TUT4: variants seen among roughly 807,000 people sequenced by gnomAD.
TUT4 encodes terminal uridylyl transferase 4, also known as terminal uridylyltransferase 4.
A neutral mutation model predicts 192.2 loss-of-function variants in TUT4; 36 were observed. The observed-to-expected ratio is 0.19, with a 90% CI of 0.14 to 0.25. The LOEUF (loss-of-function observed/expected upper bound fraction) is 0.25. Among genes scored for constraint, TUT4 ranks in the 10% least tolerant of loss-of-function variants. TUT4 has a pLI of 1.00. For synonymous variants in TUT4, 618 were observed against 666.0 expected (o/e 0.93, Z 1.11); for missense variants, 1,493 against 1,957.2 (o/e 0.76, Z 4.47).
rs140074425 is a variant in TUT4, at chr1:52,436,852, C to T, written c.4065G>A (p.Pro1355=). The part of the protein sequence containing the change: ...DLHDTRDFRD[P]RDLRCFICGD... ...CACATATAAAACATCTGAGGTCTCTCGGGTCTCTAAAGTCTCGAGTATCGT... is the reference window on the plus strand; with the variant it reads ...CACATATAAAACATCTGAGGTCTCTTGGGTCTCTAAAGTCTCGAGTATCGT... The change falls in exon 26 of 30, where the codon CCG becomes CCA. Residue 1355 remains proline (P), a synonymous_variant. Coordinates refer to ENST00000257177, the MANE Select transcript of TUT4 (RefSeq NM_001009881.3). 129 of 1,613,784 alleles carry T rather than the reference C, an allele frequency of 8.0e-5. No individual in the cohort carries two copies. Among genetic ancestry groups the T allele is most frequent in the Non-Finnish European group, 1.0e-4 (122 of 1,179,972 alleles).
At chr1:52,451,570 G>A (rs191591309) in intron 20 of TUT4, among the ~76,000 whole-genome samples, 35 of 152,226 alleles carry the variant, frequency 2.3e-4, no homozygotes, top group South Asian at 1.2e-3. Context: ...AGCCAGGGGC[G>A]GTGGCTCACG....
At position 52,488,919 on chromosome 1, in the gene TUT4, T is replaced by C. The variant is rs760005586; in HGVS notation, c.1505A>G (p.Tyr502Cys). 45 of 1,611,576 alleles carry C rather than the reference T, an allele frequency of 2.8e-5. No homozygotes were observed. Among genetic ancestry groups the C allele is most frequent in the Admixed American group, 6.7e-5 (4 of 59,464 alleles). ...CTCTCTTTCACTTACCTTAGCCCAG[T>C]AGCGAAAGGCTAACACCAAGGGAAT... ...VFIPLVLAFR[Y>C]WAKLCYIDSQ... Residue 502 changes from tyrosine to cysteine, a missense_variant, in exon 9 of 30, where the codon TAC becomes TGC. Tyr to Cys is a radical substitution (Grantham distance 194). Coordinates refer to ENST00000257177, the MANE Select transcript of TUT4 (RefSeq NM_001009881.3).
intron 1 of TUT4, among the ~76,000 whole-genome samples, chr1:52,544,103 T>C (rs1311152535): frequency 6.6e-6 from 1 of 151,476 alleles, no homozygotes; most frequent in African/African-American, 2.4e-5. Context: ...CTGGCGAACA[T>C]GGTGAAACCC....
intron 3 of TUT4, among the ~76,000 whole-genome samples, chr1:52,512,024 A>C (rs1353400270): frequency 2.6e-5 from 4 of 152,210 alleles, no homozygotes; most frequent in Non-Finnish European, 5.9e-5. Context: ...GAATACCTAA[A>C]GCCCTGTGTA....
chr1:52,526,440 C>T (rs1400002286), intron 1 of TUT4, 67 bp from the exon 2 acceptor site: 1 of 467,592 alleles, frequency 2.1e-6, no homozygotes, highest in Non-Finnish European at 3.1e-6. Flanking sequence ...TATGGTTAGA[C>T]ATTAAAAAAC....
At position 52,445,887 on chromosome 1, in the gene TUT4, AAAC is replaced by A. The variant is rs763467366; in HGVS notation, c.3740-21_3740-19del. ...ATTGGTCACTATTAAAGAAAGAAGA[AAAC>A]AATAAAGATGCAGACATTAATGTGT... is the stretch of plus-strand genomic sequence containing the variant. On this transcript the variant is annotated intron_variant, in intron 23 of 29. Coordinates refer to ENST00000257177, the MANE Select transcript of TUT4 (RefSeq NM_001009881.3). The A allele has an allele frequency of 1.2e-6, 2 of 1,605,356 alleles. No homozygotes were observed. Among genetic ancestry groups the A allele is most frequent in the Non-Finnish European group, 1.7e-6 (2 of 1,175,754 alleles).
intron 1 of TUT4, among the ~76,000 whole-genome samples, chr1:52,539,911 AAAAAAAAAC>A (rs1265940620): frequency 6.6e-6 from 1 of 151,104 alleles, no homozygotes; most frequent in Non-Finnish European, 1.5e-5. Context: ...CGTCTTAAAA[AAAAAAAAAC>A]AAAAAAAACA....
At chr1:52,480,881 T>C (rs1668331630) in intron 11 of TUT4, among the ~76,000 whole-genome samples, 1 of 152,164 alleles carries the variant, frequency 6.6e-6, no homozygotes, top group Non-Finnish European at 1.5e-5. Context: ...AATAATTCAA[T>C]ATAGCTAGAG....
At chr1:52,511,371 CTCA>C (rs1677110580) in intron 3 of TUT4, among the ~76,000 whole-genome samples, 1 of 152,266 alleles carries the variant, frequency 6.6e-6, no homozygotes, top group East Asian at 1.9e-4. Context: ...TACTTCTTTA[CTCA>C]TCAAATATAT....
intron 24 of TUT4, among the ~76,000 whole-genome samples, chr1:52,441,938 G>A (rs1021315585): frequency 6.6e-6 from 1 of 152,000 alleles, no homozygotes; most frequent in Admixed American, 6.6e-5. Flanking sequence ...GGAGGCCGAG[G>A]CGGGCAATCA....
At chr1:52,528,135 C>CG (rs1306131884) in intron 1 of TUT4, among the ~76,000 whole-genome samples, 1 of 150,706 alleles carries the variant, frequency 6.6e-6, no homozygotes, top group Admixed American at 6.6e-5. Context: ...ACTGAGATCG[C>CG]GCCACAGCAC....
intron 7 of TUT4, 140 bp from the exon 8 acceptor site, chr1:52,490,941 C>A: frequency 1.4e-6 from 1 of 709,052 alleles, no homozygotes; most frequent in Non-Finnish European, 2.3e-6. Flanking sequence ...TTATGAGCAC[C>A]AACCCAGCGA....
At chr1:52,531,786 T>C (rs1018151754) in intron 1 of TUT4, among the ~76,000 whole-genome samples, 1 of 152,054 alleles carries the variant, frequency 6.6e-6, no homozygotes, top group Admixed American at 6.6e-5. Flanking sequence ...AGTATGCCTC[T>C]TCTTAATGAA....
intron 20 of TUT4, among the ~76,000 whole-genome samples, chr1:52,451,458 T>G: frequency 6.6e-6 from 1 of 152,090 alleles, no homozygotes. Flanking sequence ...AGAGGGGATA[T>G]CAATACATAT....
intron 9 of TUT4, among the ~76,000 whole-genome samples, chr1:52,487,457 A>G (rs1670088631): frequency 6.6e-6 from 1 of 152,102 alleles, no homozygotes; most frequent in East Asian, 1.9e-4. Context: ...AACAAAAAAA[A>G]ACTTAGTAAA....
chr1:52,510,029 C>T (rs886973238), intron 3 of TUT4, among the ~76,000 whole-genome samples: 4 of 151,904 alleles, frequency 2.6e-5, no homozygotes, highest in East Asian at 1.9e-4. Context: ...GAAAAGCAGT[C>T]GGGCTGAGTG....
At position 52,553,049 on chromosome 1, in the gene TUT4, G is replaced by T; in HGVS notation, c.-212C>A. 1 of 155,316 alleles carries T rather than the reference G, an allele frequency of 6.4e-6. No individual in the cohort carries two copies. Among genetic ancestry groups the T allele is most frequent in the South Asian group, 1.8e-4 (1 of 5,536 alleles). 9.6% of individuals were successfully genotyped at this position (155,316 alleles called of 1,614,324 possible). A position where few individuals can be genotyped will look rare whatever the true frequency, so the allele number is the denominator to read the frequency against. ...CTGCCGCCGCTGGAGGCCGGGACAC[G>T]ACTAGCTCAGGACTCCACCGCCATG... On this transcript the variant is annotated 5_prime_UTR_variant, in exon 1 of 30. Coordinates refer to ENST00000257177, the MANE Select transcript of TUT4 (RefSeq NM_001009881.3).
chr1:52,524,321 G>A (rs988547828), intron 2 of TUT4, among the ~76,000 whole-genome samples: 5 of 152,130 alleles, frequency 3.3e-5, no homozygotes, highest in African/African-American at 7.2e-5. Context: ...GGATCACGAG[G>A]TCAGGAGATT....
chr1:52,475,479 C>T lies in TUT4; in HGVS notation c.2080G>A (p.Glu694Lys), dbSNP rs1273279890. ...GCCCTAAATCTCTCCACAACATATT[C>T]GTAAACCAGCTGGCTGTTTAAGCTC... ...ARSLNSQLVY[E>K]YVVERFRAAY... Residue 694 changes from glutamate (E) to lysine (K), a missense_variant, in exon 13 of 30, where the codon GAA becomes AAA. Physicochemically the swap from Glu to Lys is moderately conservative, Grantham distance 56 (BLOSUM62 1). Transcript: ENST00000257177. 4 of 1,613,926 alleles carry T rather than the reference C, an allele frequency of 2.5e-6. No homozygotes were observed. The highest frequency in any genetic ancestry group is 1.3e-5 in the African/African-American group (1 of 74,926).
Sources: allele counts gnomAD v4.1 joint callset (sites outside exome capture counted in the v4.1 genomes callset), GRCh38; gene constraint gnomAD v4.1.1; transcripts MANE v1.5; gene names NCBI Gene and HGNC (gene_info 2026-07-23, HGNC 2026-07-21).